The following TYW1 variants were observed in gnomAD, a reference collection of about 807,000 sequenced individuals.
TYW1 encodes the protein tRNA-yW synthesizing protein 1 homolog, also known as S-adenosyl-L-methionine-dependent tRNA 4-demethylwyosine synthase TYW1.
Under a neutral mutation model 96.2 loss-of-function variants are expected in TYW1, and 46 were observed. The ratio of observed to expected loss-of-function variants is 0.48; its 90% confidence interval spans 0.38 to 0.61. The LOEUF (loss-of-function observed/expected upper bound fraction) is 0.61. Ranked by LOEUF, TYW1 falls within the 20% of genes least tolerant of loss-of-function variation. TYW1 has a pLI of 0.00. For missense variants in TYW1, 684 were observed against 909.6 expected (o/e 0.75, Z 3.19); for synonymous variants, 274 against 323.0 (o/e 0.85, Z 1.63).
At chr7:67,044,432 A>G (rs976318897) in intron 7 of TYW1, among the ~76,000 whole-genome samples, 5 of 151,988 alleles carry the variant, frequency 3.3e-5, no homozygotes, top group African/African-American at 9.7e-5. Context: ...CAGGCTTAGA[A>G]TTAGTTACTA....
intron 4 of TYW1, among the ~76,000 whole-genome samples, chr7:67,010,766 C>T (rs1283347475): frequency 2.6e-5 from 4 of 152,074 alleles, no homozygotes; most frequent in Non-Finnish European, 5.9e-5. Context: ...TGAGTCACCG[C>T]GCCTGGCCAA....
chr7:67,048,204 C>G (rs1326964846), intron 7 of TYW1, among the ~76,000 whole-genome samples: 4 of 148,882 alleles, frequency 2.7e-5, no homozygotes, highest in Non-Finnish European at 5.9e-5. Flanking sequence ...CCTAGGTACC[C>G]TTTGTATACC....
At chr7:67,231,969 C>T (rs1268331886) in intron 15 of TYW1, among the ~76,000 whole-genome samples, 2 of 152,144 alleles carry the variant, frequency 1.3e-5, no homozygotes, top group African/African-American at 4.8e-5. Flanking sequence ...GTAGCTCACG[C>T]CTGTTATCCC....
At position 67,067,364 on chromosome 7, in the gene TYW1, C is replaced by T. The variant is rs371136621; in HGVS notation, c.1235C>T (p.Pro412Leu). Residue 412 changes from proline to leucine, a missense_variant, in exon 10 of 16, where the codon CCG (proline) becomes CTG (leucine). Coordinates refer to ENST00000359626, the MANE Select transcript of TYW1 (RefSeq NM_018264.4). ...IESHRCMETT[P>L]SLACANKCVF... is the part of the protein sequence containing the mutation. ...AGCCATCGCTGCATGGAAACCACCC[C>T]GAGCTTGGCGTGTGCTAATAAATGT... 245 of 1,613,930 alleles carry T rather than the reference C, an allele frequency of 1.5e-4. No individual in the cohort carries two copies. The Admixed American group carries it at 2.1e-3, about 14-fold the overall frequency.
chr7:67,007,203 T>C (rs1290833609), intron 3 of TYW1, among the ~76,000 whole-genome samples: 1 of 152,030 alleles, frequency 6.6e-6, no homozygotes, highest in Non-Finnish European at 1.5e-5. Flanking sequence ...GAGCCAATTC[T>C]TCATTTATAT....
intron 13 of TYW1, among the ~76,000 whole-genome samples, chr7:67,153,926 T>A (rs1248942162): frequency 6.7e-5 from 2 of 29,714 alleles, no homozygotes. Flanking sequence ...AACGACTTTC[T>A]TTTTTTTTTT....
chr7:67,165,800 C>T (rs914691165), intron 13 of TYW1, among the ~76,000 whole-genome samples: 2 of 152,100 alleles, frequency 1.3e-5, no homozygotes, highest in African/African-American at 2.4e-5. Flanking sequence ...TGCGGTGGCA[C>T]ACACCTCTAG....
chr7:67,166,837 T>C (rs1310315777), intron 13 of TYW1, among the ~76,000 whole-genome samples: 2 of 152,060 alleles, frequency 1.3e-5, no homozygotes, highest in Non-Finnish European at 2.9e-5. Context: ...TCTGTACATG[T>C]TTTTTGATAT....
chr7:67,185,932 G>T (rs1249066181), intron 14 of TYW1, among the ~76,000 whole-genome samples: 45 of 126,368 alleles, frequency 3.6e-4, no homozygotes, highest in African/African-American at 9.1e-4. Context: ...AGCTTTTGGT[G>T]TTACTCTAGA....
At chr7:67,160,814 A>ACTCCTGACCTCAAGTGATCTGCCCAC in intron 13 of TYW1, among the ~76,000 whole-genome samples, 1 of 151,026 alleles carries the variant, frequency 6.6e-6, no homozygotes, top group Non-Finnish European at 1.5e-5. Context: ...CTGATTTCGA[A>ACTCCTGACCTCAAGTGATCTGCCCAC]CTCCTGACCT....
intron 12 of TYW1, among the ~76,000 whole-genome samples, chr7:67,111,453 G>A (rs1191169001): frequency 6.6e-6 from 1 of 152,038 alleles, no homozygotes; most frequent in African/African-American, 2.4e-5. Context: ...TGCCCCTCTC[G>A]CCCTCCCAAA....
At chr7:67,159,586 G>C (rs2844166) in intron 13 of TYW1, among the ~76,000 whole-genome samples, 70,927 of 150,534 alleles carry the variant, frequency 0.47, 17,084 homozygotes, top group Middle Eastern at 0.57. Context: ...ATAACTAGCA[G>C]TCCAAAGGCA....
chr7:67,195,323 A>T lies in TYW1; in HGVS notation c.1963A>T (p.Ile655Leu), dbSNP rs575595623. Residue 655 changes from isoleucine to leucine, a missense_variant, in exon 15 of 16, where the codon ATA becomes TTA. By Grantham distance (5) the Ile-to-Leu change is conservative. Coordinates refer to ENST00000359626, the MANE Select transcript of TYW1 (RefSeq NM_018264.4). Reference protein sequence around the residue: ...CEHEHSNCLLIAHRKFKIGGE... With the variant: ...CEHEHSNCLLLAHRKFKIGGE... ...ACACGAACACTCTAATTGCCTCCTG[A>T]TAGCACACAGAAAGGTAAGAATAAC... is the stretch of plus-strand genomic sequence containing the variant. The T allele has an allele frequency of 2.5e-6, 4 of 1,613,518 alleles. No individual in the cohort carries two copies. Among genetic ancestry groups the T allele is most frequent in the Admixed American group, 1.7e-5 (1 of 59,980 alleles).
At position 67,195,251 on chromosome 7, in the gene TYW1, G is replaced by A. The variant is rs1800352950; in HGVS notation, c.1891G>A (p.Val631Ile). Residue 631 changes from valine (V) to isoleucine (I), a missense_variant, in exon 15 of 16, where the codon GTC (valine) becomes ATC (isoleucine). Coordinates refer to ENST00000359626, the MANE Select transcript of TYW1 (RefSeq NM_018264.4). ...VPWHEEVVQF[V>I]HELVDLIPEY... Reference sequence around the variant, plus strand: ...CTGGCATGAGGAAGTGGTACAGTTTGTCCACGAGTTGGTGGATCTGATCCC... The same window carrying A: ...CTGGCATGAGGAAGTGGTACAGTTTATCCACGAGTTGGTGGATCTGATCCC... The A allele has an allele frequency of 1.2e-6, 2 of 1,604,100 alleles. No individual in the cohort carries two copies. The highest frequency in any genetic ancestry group is 1.7e-6 in the Non-Finnish European group (2 of 1,173,016).
intron 9 of TYW1, among the ~76,000 whole-genome samples, chr7:67,063,635 G>A (rs1169281215): frequency 2.0e-5 from 3 of 151,186 alleles, no homozygotes; most frequent in Non-Finnish European, 4.4e-5. Context: ...GCGGAGTCTC[G>A]CTCTGTCACC....
rs1008997998 is a variant in TYW1 at position 67,017,484 on chromosome 7, C to T, written c.571-369C>T. Among the ~76,000 whole-genome samples the T allele has an allele frequency of 2.0e-4, 30 of 152,220 alleles. 1 individual carries two copies. The Middle Eastern group carries it at 0.01, about 52-fold the overall frequency. ...TTTATAACTGAGTAGGCTTAGGCCC[C>T]ATAGGCTTTGTTACATTTTTGGAAC... On this transcript the variant is annotated intron_variant, in intron 5 of 15. Transcript: ENST00000359626.
intron 11 of TYW1, among the ~76,000 whole-genome samples, chr7:67,087,583 C>T (rs954521581): frequency 6.8e-6 from 1 of 147,548 alleles, no homozygotes; most frequent in Non-Finnish European, 1.5e-5. Context: ...CTGGTAATTC[C>T]TACAACGGAT....
At chr7:67,195,871 G>A (rs1224252372) in intron 15 of TYW1, among the ~76,000 whole-genome samples, 2 of 147,028 alleles carry the variant, frequency 1.4e-5, no homozygotes, top group Non-Finnish European at 3.0e-5. Context: ...ATAACTCCTA[G>A]CAAAGGAAAA....
chr7:67,147,844 G>C (rs35267086), intron 13 of TYW1, among the ~76,000 whole-genome samples: 18 of 152,026 alleles, frequency 1.2e-4, no homozygotes, highest in African/African-American at 4.3e-4. Flanking sequence ...CTACTAGTTA[G>C]CTTAGTAAGC....
Sources: gnomAD v4.1 joint callset for allele counts (sites outside exome capture counted in the v4.1 genomes callset) on GRCh38, gnomAD v4.1.1 for gene constraint, MANE v1.5 for transcripts, NCBI Gene and HGNC (gene_info 2026-07-23, HGNC 2026-07-21) for gene names.